Variants in C3orf22 observed in about 807,000 individuals in gnomAD.
The protein encoded by C3orf22 is chromosome 3 open reading frame 22, also known as uncharacterized protein C3orf22.
Under a neutral mutation model 10.8 loss-of-function variants are expected in C3orf22, and 7 were observed. The observed-to-expected ratio is 0.65, with a 90% CI of 0.37 to 1.22. The LOEUF is 1.22. C3orf22 is among the 50% of genes most tolerant of loss of function. The pLI is 0.02. For missense variants in C3orf22, 173 were observed against 177.0 expected, an observed-to-expected ratio of 0.98 and a Z score of 0.13; for synonymous variants, 79 against 78.9, an observed-to-expected ratio of 1.00 and a Z score of 0.00.
At chr3:126,547,918 T>C (rs1559752246), downstream of C3orf22, among the ~76,000 whole-genome samples, 1 of 152,014 alleles carries the variant, frequency 6.6e-6, no homozygotes. Flanking sequence ...CAGTGGAAAA[T>C]GAAGGAACTA....
intron 1 of C3orf22, among the ~76,000 whole-genome samples, chr3:126,553,846 C>T (rs1937262086): frequency 6.6e-6 from 1 of 151,436 alleles, no homozygotes; most frequent in South Asian, 2.1e-4. Flanking sequence ...ACAGTCTGTC[C>T]CTCCTGCTGC....
At chr3:126,544,413 A>C (rs1937033564) in intron 4 of C3orf22, among the ~76,000 whole-genome samples, 1 of 152,208 alleles carries the variant, frequency 6.6e-6, no homozygotes, top group African/African-American at 2.4e-5. Flanking sequence ...GTAACAGAAA[A>C]GGGACTAAGG....
chr3:126,529,661 T>C (rs1936609113), intron 4 of C3orf22, among the ~76,000 whole-genome samples: 1 of 152,138 alleles, frequency 6.6e-6, no homozygotes, highest in Admixed American at 6.5e-5. Context: ...TGTCTCCTTC[T>C]GTCTCTTCCT....
At chr3:126,550,107 G>A (rs368609187) in intron 3 of C3orf22, 29 bp from the exon 4 acceptor site, 39 of 1,611,716 alleles carry the variant, frequency 2.4e-5, no homozygotes, top group Non-Finnish European at 3.2e-5. Flanking sequence ...GCCACGCCTG[G>A]CCTTCAGGAC....
chr3:126,541,531 C>T (rs1225295946), intron 4 of C3orf22, among the ~76,000 whole-genome samples: 1 of 152,192 alleles, frequency 6.6e-6, no homozygotes, highest in Non-Finnish European at 1.5e-5. Flanking sequence ...AGTCAGAATC[C>T]GTTTCTCCCA....
intron 4 of C3orf22, chr3:126,542,318 C>T (rs1204333832): frequency 5.1e-6 from 8 of 1,568,906 alleles, no homozygotes; most frequent in Non-Finnish European, 6.0e-6. Context: ...GCTCTGCCAC[C>T]CGTGTCGCCT....
chr3:126,540,094 C>T (rs577450811), intron 4 of C3orf22, among the ~76,000 whole-genome samples: 18 of 151,730 alleles, frequency 1.2e-4, no homozygotes, highest in African/African-American at 3.1e-4. Context: ...GCACCACACA[C>T]GCACAGGACA....
chr3:126,531,867 T>C (rs1374139312), intron 4 of C3orf22, among the ~76,000 whole-genome samples: 1 of 152,192 alleles, frequency 6.6e-6, no homozygotes, highest in Non-Finnish European at 1.5e-5. Context: ...AGCTTAGCTT[T>C]TTAAGAAACC....
intron 3 of C3orf22, among the ~76,000 whole-genome samples, chr3:126,550,387 G>A (rs1167604888): frequency 6.6e-6 from 1 of 152,180 alleles, no homozygotes; most frequent in East Asian, 1.9e-4. Context: ...GTGGTCTCAA[G>A]TCCTGCCCAA....
intron 4 of C3orf22, among the ~76,000 whole-genome samples, chr3:126,540,369 C>T (rs932871777): frequency 2.0e-5 from 3 of 152,130 alleles, no homozygotes; most frequent in Non-Finnish European, 2.9e-5. Flanking sequence ...CATCAGCAGC[C>T]CAGTGTCCAT....
At chr3:126,556,925 GACACAT>G (rs1175378135) in intron 1 of C3orf22, among the ~76,000 whole-genome samples, 2 of 119,786 alleles carry the variant, frequency 1.7e-5, no homozygotes, top group Admixed American at 8.2e-5. Flanking sequence ...GACACACACA[GACACAT>G]ACACACTCAC....
At chr3:126,552,795 G>A (rs1438023091) in intron 2 of C3orf22, among the ~76,000 whole-genome samples, 3 of 152,230 alleles carry the variant, frequency 2.0e-5, no homozygotes, top group African/African-American at 4.8e-5. Flanking sequence ...GCTGTCCTGC[G>A]GGTGGGAGGC....
downstream of C3orf22, among the ~76,000 whole-genome samples, chr3:126,547,911 T>A (rs565634565): frequency 1.3e-5 from 2 of 152,232 alleles, no homozygotes; most frequent in South Asian, 4.2e-4. Context: ...TGAGAAACAG[T>A]GGAAAATGAA....
At chr3:126,534,866 G>C (rs1475257884) in intron 4 of C3orf22, among the ~76,000 whole-genome samples, 6 of 148,706 alleles carry the variant, frequency 4.0e-5, no homozygotes, top group Admixed American at 4.0e-4. Flanking sequence ...CTGGGAGACA[G>C]ACACACAGAC....
chr3:126,545,852 G>GT (rs879490403), downstream of C3orf22, among the ~76,000 whole-genome samples: 3 of 152,228 alleles, frequency 2.0e-5, no homozygotes, highest in Non-Finnish European at 2.9e-5. Context: ...CTGAGGGCTG[G>GT]TGGGACAGAT....
intron 4 of C3orf22, chr3:126,542,894 AT>A (rs1412713674): frequency 1.3e-5 from 3 of 238,496 alleles, no homozygotes; most frequent in Non-Finnish European, 2.4e-5. Context: ...TTTAAAGGCC[AT>A]TTTGGGGGTC....
At chr3:126,549,260 C>A (rs11713344), downstream of C3orf22, among the ~76,000 whole-genome samples, 437 of 144,844 alleles carry the variant, frequency 3.0e-3, 2 homozygotes, top group Non-Finnish European at 5.0e-3. Context: ...CGCCCCCCCC[C>A]CCACACACAC....
intron 5 of C3orf22, among the ~76,000 whole-genome samples, chr3:126,528,495 G>C (rs1186101597): frequency 1.3e-5 from 2 of 152,206 alleles, no homozygotes; most frequent in Admixed American, 1.3e-4. Context: ...ATTGCTGCAA[G>C]GAGTGAGAAG....
In C3orf22 at chr3:126,553,288, T is replaced by G. The variant is rs375334068; in HGVS notation, c.89+14A>C. The G allele has an allele frequency of 2.5e-6, 4 of 1,592,838 alleles. No homozygotes were observed. Among genetic ancestry groups the G allele is most frequent in the African/African-American group, 2.7e-5 (2 of 74,510 alleles). Reference sequence around the variant, plus strand: ...GAGGCAGGGCTTGTCTCCAGAGGTGTCAGCCTCCCGCACCTGTACGGAAAC... The same window carrying G: ...GAGGCAGGGCTTGTCTCCAGAGGTGGCAGCCTCCCGCACCTGTACGGAAAC... On this transcript the variant is annotated intron_variant, in intron 2 of 3. Transcript: ENST00000318225.
Sources: allele counts gnomAD v4.1 joint callset (sites outside exome capture counted in the v4.1 genomes callset), GRCh38; gene constraint gnomAD v4.1.1; transcripts MANE v1.5; gene names NCBI Gene and HGNC (gene_info 2026-07-23, HGNC 2026-07-21).